FSTL5: variants seen among roughly 807,000 people sequenced by gnomAD.
The protein encoded by FSTL5 is follistatin like 5.
FSTL5 carries 62 observed loss-of-function variants against 89.1 expected under a neutral mutation model. The ratio of observed to expected loss-of-function variants is 0.70; its 90% CI spans 0.57 to 0.86. The LOEUF is 0.86. FSTL5 is among the 40% of genes least tolerant of loss of function. The pLI, the probability that FSTL5 is intolerant of heterozygous loss-of-function variation, is 0.00. For synonymous variants in FSTL5, 383 were observed against 346.2 expected (o/e 1.11, Z -1.18); for missense variants, 1,057 against 1,001.6 (o/e 1.06, Z -0.75).
chr4:161,721,146 C>T (rs1445092802), intron 6 of FSTL5, among the ~76,000 whole-genome samples: 10 of 151,604 alleles, frequency 6.6e-5, no homozygotes, highest in East Asian at 2.0e-4. Flanking sequence ...GGCGCGGTGG[C>T]GGGCGCCTGT....
chr4:161,678,906 G>A (rs777782197), intron 6 of FSTL5, among the ~76,000 whole-genome samples: 6 of 151,556 alleles, frequency 4.0e-5, no homozygotes, highest in Non-Finnish European at 5.9e-5. Context: ...ATCTATATAC[G>A]TAGGGTCCAT....
chr4:162,130,481 A>C (rs114870166), intron 1 of FSTL5, among the ~76,000 whole-genome samples: 4,248 of 152,276 alleles, frequency 0.028, 78 homozygotes, highest in Admixed American at 0.044. Flanking sequence ...TATTTTTTCA[A>C]ATGACTATTA....
chr4:161,942,375 A>G (rs1734611985), intron 3 of FSTL5, among the ~76,000 whole-genome samples: 1 of 151,986 alleles, frequency 6.6e-6, no homozygotes, highest in Non-Finnish European at 1.5e-5. Context: ...ACAAAAATTT[A>G]GCTTGACTCA....
chr4:161,502,816 T>C (rs1354754841), intron 11 of FSTL5, among the ~76,000 whole-genome samples: 1 of 151,818 alleles, frequency 6.6e-6, no homozygotes, highest in Non-Finnish European at 1.5e-5. Context: ...TTATTAAGAT[T>C]ATCCTCAGCA....
chr4:162,117,062 AG>A (rs1323720123), intron 1 of FSTL5, among the ~76,000 whole-genome samples: 1 of 152,190 alleles, frequency 6.6e-6, no homozygotes, highest in African/African-American at 2.4e-5. Context: ...CAGTCTAGCA[AG>A]TTTCTTACAT....
At chr4:161,566,788 T>C (rs905844040) in intron 8 of FSTL5, among the ~76,000 whole-genome samples, 6 of 152,068 alleles carry the variant, frequency 3.9e-5, no homozygotes, top group African/African-American at 1.4e-4. Flanking sequence ...TAATTACTCA[T>C]AAGTATAAGA....
At chr4:161,778,094 A>ACT (rs796909314) in intron 4 of FSTL5, among the ~76,000 whole-genome samples, 40 of 9,460 alleles carry the variant, frequency 4.2e-3, no homozygotes, top group African/African-American at 0.013. Context: ...ACTCCGTATC[A>ACT]CACACACACA....
chr4:161,427,995 G>C (rs930842159), intron 15 of FSTL5, among the ~76,000 whole-genome samples: 5 of 152,162 alleles, frequency 3.3e-5, no homozygotes, highest in Admixed American at 6.5e-5. Context: ...AGAAAAGACA[G>C]TCTTGAATTC....
intron 15 of FSTL5, among the ~76,000 whole-genome samples, chr4:161,438,011 T>G (rs1249127084): frequency 6.6e-6 from 1 of 152,182 alleles, no homozygotes; most frequent in Non-Finnish European, 1.5e-5. Flanking sequence ...TAATGGTCTA[T>G]AAATGACAGT....
intron 2 of FSTL5, among the ~76,000 whole-genome samples, chr4:162,105,735 C>A (rs1188671438): frequency 2.0e-5 from 3 of 151,888 alleles, no homozygotes; most frequent in Non-Finnish European, 2.9e-5. Flanking sequence ...TTAATTAATT[C>A]TTCAACTAAT....
At chr4:162,063,007 G>C (rs971745598) in intron 2 of FSTL5, among the ~76,000 whole-genome samples, 1 of 151,452 alleles carries the variant, frequency 6.6e-6, no homozygotes, top group Non-Finnish European at 1.5e-5. Flanking sequence ...ATTTTAAATT[G>C]TGCTTTTTTC....
intron 2 of FSTL5, among the ~76,000 whole-genome samples, chr4:162,071,479 C>T (rs1729620303): frequency 6.6e-6 from 1 of 151,576 alleles, no homozygotes; most frequent in Non-Finnish European, 1.5e-5. Context: ...AATACCAAAG[C>T]ACCCCGACAT....
intron 8 of FSTL5, among the ~76,000 whole-genome samples, chr4:161,547,711 G>A (rs1732053232): frequency 6.6e-6 from 1 of 151,806 alleles, no homozygotes; most frequent in Non-Finnish European, 1.5e-5. Context: ...CTGCAGAAAA[G>A]TCATTTACCT....
intron 6 of FSTL5, among the ~76,000 whole-genome samples, chr4:161,671,174 T>C (rs1737094514): frequency 6.6e-6 from 1 of 152,228 alleles, no homozygotes; most frequent in African/African-American, 2.4e-5. Context: ...TTTTTTTACA[T>C]TGTGCATATC....
At chr4:162,073,411 A>G (rs187009332) in intron 2 of FSTL5, among the ~76,000 whole-genome samples, 2 of 151,870 alleles carry the variant, frequency 1.3e-5, no homozygotes, top group East Asian at 2.0e-4. Context: ...ACACCACAGT[A>G]AAGTTTTTTA....
intron 4 of FSTL5, among the ~76,000 whole-genome samples, chr4:161,860,203 G>A (rs578066923): frequency 2.0e-4 from 30 of 152,212 alleles, no homozygotes; most frequent in African/African-American, 7.0e-4. Context: ...CAGGAGAATG[G>A]CGTGAACCCG....
chr4:161,391,111 C>T (rs1035417928), intron 15 of FSTL5, among the ~76,000 whole-genome samples: 1 of 152,142 alleles, frequency 6.6e-6, no homozygotes, highest in Admixed American at 6.6e-5. Flanking sequence ...AACTGTGCTG[C>T]AATTCACATC....
chr4:161,654,724 T>A (rs1424311638), intron 7 of FSTL5, among the ~76,000 whole-genome samples: 1 of 152,078 alleles, frequency 6.6e-6, no homozygotes, highest in Non-Finnish European at 1.5e-5. Context: ...CAGCCAAGAT[T>A]AAGAGGAAAG....
At chr4:161,839,431 G>A (rs1002898290) in intron 4 of FSTL5, among the ~76,000 whole-genome samples, 1 of 151,930 alleles carries the variant, frequency 6.6e-6, no homozygotes, top group Non-Finnish European at 1.5e-5. Flanking sequence ...TTTAAAATGG[G>A]AAACAACCCA....
Sources: gnomAD v4.1 joint callset for allele counts (sites outside exome capture counted in the v4.1 genomes callset) on GRCh38, gnomAD v4.1.1 for gene constraint, MANE v1.5 for transcripts, NCBI Gene and HGNC (gene_info 2026-07-23, HGNC 2026-07-21) for gene names.